Variants in TENM4 observed in about 807,000 individuals in gnomAD.
The protein encoded by TENM4 is teneurin-4.
Under a neutral mutation model 243.3 loss-of-function variants are expected in TENM4, and 82 were observed. That is an observed-to-expected ratio of 0.34 (90% confidence interval 0.28 to 0.40). The LOEUF is 0.40. TENM4 is among the 10% of genes least tolerant of loss of function. TENM4 has a pLI of 1.00. For synonymous variants in TENM4, 1,412 were observed against 1,456.3 expected, an observed-to-expected ratio of 0.97 and a Z score of 0.69; for missense variants, 3,138 against 3,673.3, an observed-to-expected ratio of 0.85 and a Z score of 3.77.
At chr11:78,831,437 G>A (rs1857976512) in intron 12 of TENM4, among the ~76,000 whole-genome samples, 1 of 152,226 alleles carries the variant, frequency 6.6e-6, no homozygotes, top group Non-Finnish European at 1.5e-5. Flanking sequence ...CTCACAGTCT[G>A]ATGCACAATG....
chr11:79,293,521 G>A (rs72949046), intron 2 of TENM4, among the ~76,000 whole-genome samples: 85 of 143,940 alleles, frequency 5.9e-4, no homozygotes, highest in Middle Eastern at 3.5e-3. Context: ...AAAAAAAAAA[G>A]AAAAAAAAAA....
chr11:79,282,901 T>C (rs1365498358), intron 2 of TENM4, among the ~76,000 whole-genome samples: 1 of 152,188 alleles, frequency 6.6e-6, no homozygotes, highest in Non-Finnish European at 1.5e-5. Context: ...TTGCCTGGCA[T>C]AATGGCCAGA....
At chr11:78,802,992 C>A (rs1004651046) in intron 15 of TENM4, among the ~76,000 whole-genome samples, 1 of 151,906 alleles carries the variant, frequency 6.6e-6, no homozygotes, top group Non-Finnish European at 1.5e-5. Flanking sequence ...CAACAGCTAA[C>A]AACTATTGAG....
At chr11:79,139,785 T>TTA (rs1555016087) in intron 4 of TENM4, among the ~76,000 whole-genome samples, 14 of 19,070 alleles carry the variant, frequency 7.3e-4, no homozygotes, top group African/African-American at 3.2e-3. Flanking sequence ...ATAATATATA[T>TTA]TATATTTATA....
chr11:79,198,754 C>T (rs547818821), intron 3 of TENM4, among the ~76,000 whole-genome samples: 40 of 152,188 alleles, frequency 2.6e-4, no homozygotes, highest in Admixed American at 2.2e-3. Context: ...ATGCTGGGGA[C>T]GCAGAGGGAG....
At chr11:78,673,135 G>A (rs558830205) in intron 30 of TENM4, among the ~76,000 whole-genome samples, 1 of 152,178 alleles carries the variant, frequency 6.6e-6, no homozygotes, top group Non-Finnish European at 1.5e-5. Flanking sequence ...GGACTGCTAG[G>A]CCAGCACACA....
chr11:79,066,450 A>G (rs547390694), intron 5 of TENM4, among the ~76,000 whole-genome samples: 22 of 137,526 alleles, frequency 1.6e-4, no homozygotes, highest in Middle Eastern at 3.9e-3. Context: ...TCTTACAGAT[A>G]AACTTGTGCT....
chr11:79,351,790 A>G (rs975946423), intron 1 of TENM4, among the ~76,000 whole-genome samples: 1 of 152,150 alleles, frequency 6.6e-6, no homozygotes, highest in African/African-American at 2.4e-5. Flanking sequence ...CTCCATCCCA[A>G]ACTTGTTTCT....
chr11:78,668,288 T>A (rs1299133291), intron 32 of TENM4, among the ~76,000 whole-genome samples: 1 of 152,192 alleles, frequency 6.6e-6, no homozygotes, highest in African/African-American at 2.4e-5. Context: ...TTTTTTTAGT[T>A]TTTATCTTTT....
chr11:78,871,223 C>T (rs981818865), intron 9 of TENM4, among the ~76,000 whole-genome samples: 4 of 152,168 alleles, frequency 2.6e-5, no homozygotes, highest in Admixed American at 2.6e-4. Context: ...TCTGTTTCCC[C>T]ATCTATAAGA....
chr11:78,868,498 G>T (rs1286185098), intron 9 of TENM4, among the ~76,000 whole-genome samples: 1 of 152,292 alleles, frequency 6.6e-6, no homozygotes, highest in East Asian at 1.9e-4. Flanking sequence ...CTTGGCTCTG[G>T]TCAATCTCAT....
intron 6 of TENM4, among the ~76,000 whole-genome samples, chr11:78,996,958 C>G (rs928784835): frequency 2.0e-5 from 3 of 152,096 alleles, no homozygotes; most frequent in East Asian, 3.9e-4. Context: ...AAGAGTTCTT[C>G]TCAAACACAT....
At chr11:78,996,441 A>G (rs1858174595) in intron 6 of TENM4, among the ~76,000 whole-genome samples, 1 of 152,224 alleles carries the variant, frequency 6.6e-6, no homozygotes, top group African/African-American at 2.4e-5. Context: ...AGCTCCAGCC[A>G]CCATGCGACT....
At chr11:78,873,490 C>T (rs1451190764) in intron 9 of TENM4, among the ~76,000 whole-genome samples, 8 of 152,170 alleles carry the variant, frequency 5.3e-5, no homozygotes, top group African/African-American at 1.7e-4. Context: ...ACTTGTCCCA[C>T]GTTACCTTCT....
At chr11:78,994,667 G>A (rs1008236372) in intron 6 of TENM4, among the ~76,000 whole-genome samples, 2 of 152,218 alleles carry the variant, frequency 1.3e-5, no homozygotes, top group African/African-American at 4.8e-5. Flanking sequence ...TATGGCCAGA[G>A]TGGAAGGGTG....
At chr11:79,105,434 A>C (rs1861341904) in intron 4 of TENM4, among the ~76,000 whole-genome samples, 1 of 152,226 alleles carries the variant, frequency 6.6e-6, no homozygotes, top group Non-Finnish European at 1.5e-5. Flanking sequence ...AATTCTCCCC[A>C]GCCCTCCCAG....
At chr11:79,308,294 G>A (rs1012847540) in intron 1 of TENM4, among the ~76,000 whole-genome samples, 13 of 152,270 alleles carry the variant, frequency 8.5e-5, no homozygotes, top group African/African-American at 3.1e-4. Flanking sequence ...AAAGAAAACC[G>A]ATTATATTCA....
chr11:79,200,172 C>G (rs1863711174), intron 3 of TENM4, among the ~76,000 whole-genome samples: 1 of 152,328 alleles, frequency 6.6e-6, no homozygotes, highest in Middle Eastern at 3.4e-3. Context: ...CGTGCTCTGT[C>G]TCTAGGGATG....
chr11:79,427,168 C>T (rs1057342507), intron 1 of TENM4, among the ~76,000 whole-genome samples: 1 of 152,170 alleles, frequency 6.6e-6, no homozygotes, highest in Non-Finnish European at 1.5e-5. Context: ...TACTACCAGA[C>T]TAGAGGGACC....
Sources: allele counts gnomAD v4.1 joint callset (sites outside exome capture counted in the v4.1 genomes callset), GRCh38; gene constraint gnomAD v4.1.1; transcripts MANE v1.5; gene names NCBI Gene and HGNC (gene_info 2026-07-23, HGNC 2026-07-21).